Variants in TBCE observed in about 807,000 individuals in gnomAD.
The protein encoded by TBCE is tubulin folding cofactor E.
In TBCE, 53 loss-of-function variants were observed where a neutral mutation model predicts 77.0. The ratio of observed to expected loss-of-function variants is 0.69; its 90% CI spans 0.55 to 0.87. TBCE has a LOEUF of 0.87. Among genes scored for constraint, TBCE ranks in the 40% least tolerant of loss-of-function variants. The pLI is 0.00. For synonymous variants in TBCE, 235 were observed against 241.3 expected (o/e 0.97, Z 0.24); for missense variants, 624 against 622.4 (o/e 1.00, Z -0.03).
At chr1:235,411,497 G>T (rs1456247495) in intron 3 of TBCE, among the ~76,000 whole-genome samples, 1 of 152,156 alleles carries the variant, frequency 6.6e-6, no homozygotes, top group South Asian at 2.1e-4. Context: ...TACCAGAAAG[G>T]GGTCCTGATC....
chr1:235,372,503 T>G (rs1219977145), intron 1 of TBCE, among the ~76,000 whole-genome samples: 2 of 152,174 alleles, frequency 1.3e-5, no homozygotes, highest in East Asian at 1.9e-4. Context: ...AATGATTGGC[T>G]GGGTGCAGTG....
In TBCE at chr1:235,438,920, T is replaced by G; in HGVS notation, c.1268T>G (p.Leu423Arg). 6.2e-7 allele frequency: 1 copy of G among 1,614,156 alleles called. No homozygotes were observed. The highest frequency in any genetic ancestry group is 8.5e-7 in the Non-Finnish European group (1 of 1,180,040). The change falls in exon 13 of 17, where the codon CTG becomes CGG. Residue 423 changes from leucine (L) to arginine (R), a missense_variant and splice_region_variant. Coordinates refer to ENST00000642610, the MANE Select transcript of TBCE (RefSeq NM_003193.5). ...CATCCCAGATACCAGTTCCTCTGCC[T>G]GAGTACGTGCGTATACACTGGTGGC... is the stretch of plus-strand genomic sequence containing the variant. ...TAHPRYQFLC[L>R]KYGAPEDWEL... is the part of the protein sequence containing the mutation.
chr1:235,431,044 G>C (rs1681053412), intron 7 of TBCE, among the ~76,000 whole-genome samples: 1 of 152,128 alleles, frequency 6.6e-6, no homozygotes, highest in African/African-American at 2.4e-5. Flanking sequence ...ACTTGTTCTG[G>C]TGCCTTTATA....
rs752232755 is a variant in TBCE, at chr1:235,434,292, T to G, written c.737+12T>G. The G allele has an allele frequency of 1.4e-5, 23 of 1,603,704 alleles. No homozygotes were observed. In the African/African-American group the frequency reaches 2.9e-4, roughly 21 times the overall value. On this transcript the variant is annotated intron_variant, in intron 8 of 16. Transcript: ENST00000642610. ...TTCATTTCCGAAAGGTAACTAGCAC[T>G]TACTTAAATGCATCTATCCCCATTT...
chr1:235,389,404 TG>T (rs1231660469), intron 2 of TBCE, among the ~76,000 whole-genome samples: 1 of 152,184 alleles, frequency 6.6e-6, no homozygotes. Context: ...CTCGGCTCAT[TG>T]TAACCTCTGC....
intron 2 of TBCE, among the ~76,000 whole-genome samples, chr1:235,396,129 G>C (rs1301838212): frequency 6.6e-6 from 1 of 151,582 alleles, no homozygotes; most frequent in Non-Finnish European, 1.5e-5. Context: ...GAGCGATCTC[G>C]GCTCACTGCA....
rs1450233065 is a variant in TBCE, at chr1:235,444,403, T to C, written c.1399+1492T>C. Among the ~76,000 whole-genome samples the C allele has an allele frequency of 5.3e-5, 8 of 152,166 alleles. No homozygotes were observed. The East Asian group carries it at 1.5e-3, about 29-fold the overall frequency. ...AAGAGGGCCAGGACTGTTTTATTTT[T>C]GATATATTTTTTTCAGATGGGGTCT... On this transcript the variant is annotated intron_variant, in intron 15 of 16. Coordinates refer to ENST00000642610, the MANE Select transcript of TBCE (RefSeq NM_003193.5).
intron 3 of TBCE, among the ~76,000 whole-genome samples, chr1:235,412,777 T>C (rs1016465417): frequency 6.6e-6 from 1 of 151,548 alleles, no homozygotes; most frequent in Admixed American, 6.6e-5. Flanking sequence ...TTATCACAAA[T>C]ATTAGTTTTC....
At chr1:235,439,089 G>T in intron 13 of TBCE, 167 bp downstream of exon 13, 1 of 848,680 alleles carries the variant, frequency 1.2e-6, no homozygotes, top group South Asian at 1.5e-5. Flanking sequence ...GGGCGAGGGC[G>T]GCAGGGCAAG....
chr1:235,423,160 T>G (rs1239985599), intron 5 of TBCE, among the ~76,000 whole-genome samples: 1 of 152,078 alleles, frequency 6.6e-6, no homozygotes, highest in Non-Finnish European at 1.5e-5. Context: ...CTCGAGGCAG[T>G]GGGAGAGCTG....
chr1:235,408,144 C>A (rs1415163341), intron 3 of TBCE, among the ~76,000 whole-genome samples: 1 of 152,124 alleles, frequency 6.6e-6, no homozygotes, highest in Non-Finnish European at 1.5e-5. Context: ...GGATGGTTGA[C>A]AATTTAAGAA....
chr1:235,419,626 C>T (rs1680287277), intron 5 of TBCE, 65 bp downstream of exon 5: 2 of 1,601,068 alleles, frequency 1.2e-6, no homozygotes, highest in African/African-American at 2.7e-5. Flanking sequence ...GTGCCAGAGA[C>T]TGCTAATTGC....
chr1:235,419,943 GGTGTGGTGGC>G (rs1293467680), intron 5 of TBCE, among the ~76,000 whole-genome samples: 1 of 152,098 alleles, frequency 6.6e-6, no homozygotes, highest in African/African-American at 2.4e-5. Flanking sequence ...AAATTAGCCG[GGTGTGGTGGC>G]GTGTGCCTGT....
At chr1:235,436,249 A>G in intron 9 of TBCE, 137 bp from the exon 10 acceptor site, 1 of 761,472 alleles carries the variant, frequency 1.3e-6, no homozygotes, top group Non-Finnish European at 2.3e-6. Flanking sequence ...CCTAAGTTGG[A>G]CTTTATGGTT....
At chr1:235,397,692 T>C (rs1039815138) in intron 2 of TBCE, among the ~76,000 whole-genome samples, 13 of 152,228 alleles carry the variant, frequency 8.5e-5, no homozygotes, top group African/African-American at 2.9e-4. Context: ...ACAGCTTTAT[T>C]AATCATTGTG....
At position 235,436,654 on chromosome 1, in the gene TBCE, ACT is replaced by A. The variant is rs758870328; in HGVS notation, c.963+50_963+51del. ...GCCCAGCACACTGTTGCCTCTTTCC[ACT>A]CTCATGGCAGAGTTTGGAGGTTCCT... On this transcript the variant is annotated intron_variant, in intron 11 of 16. Coordinates refer to ENST00000642610, the MANE Select transcript of TBCE (RefSeq NM_003193.5). 9 of 1,540,734 alleles carry A rather than the reference ACT, an allele frequency of 5.8e-6. No homozygotes were observed. The African/African-American group carries it at 1.2e-4, about 21-fold the overall frequency.
At chr1:235,401,369 C>G in intron 2 of TBCE, 134 bp from the exon 3 acceptor site, 1 of 745,092 alleles carries the variant, frequency 1.3e-6, no homozygotes, top group East Asian at 2.8e-5. Context: ...ATAAGGCTAA[C>G]TTGTCCATTC....
At chr1:235,419,081 C>T in intron 4 of TBCE, 1 of 304,082 alleles carries the variant, frequency 3.3e-6, no homozygotes, top group East Asian at 8.4e-5. Flanking sequence ...GTAGCAAGCG[C>T]CTGTAATCCC....
At chr1:235,417,866 C>T (rs368162582) in intron 4 of TBCE, among the ~76,000 whole-genome samples, 1 of 151,100 alleles carries the variant, frequency 6.6e-6, no homozygotes, top group Non-Finnish European at 1.5e-5. Flanking sequence ...AACCTCCACC[C>T]TCCCGGGTTC....
Sources: allele counts gnomAD v4.1 joint callset (sites outside exome capture counted in the v4.1 genomes callset), GRCh38; gene constraint gnomAD v4.1.1; transcripts MANE v1.5; gene names NCBI Gene and HGNC (gene_info 2026-07-23, HGNC 2026-07-21).